The following GALNT17 variants were observed in gnomAD, a reference collection of about 807,000 sequenced individuals.
GALNT17 encodes the protein polypeptide N-acetylgalactosaminyltransferase 17.
A neutral mutation model predicts 63.7 loss-of-function variants in GALNT17; 29 were observed. The ratio of observed to expected loss-of-function variants is 0.46; its 90% CI spans 0.34 to 0.62. The LOEUF is 0.62. GALNT17 is among the 20% of genes least tolerant of loss of function. The pLI, the probability that GALNT17 is intolerant of heterozygous loss-of-function variation, is 0.01. For synonymous variants in GALNT17, 305 were observed against 318.3 expected, an observed-to-expected ratio of 0.96 and a Z score of 0.45; for missense variants, 603 against 799.6, an observed-to-expected ratio of 0.75 and a Z score of 2.97.
chr7:71,185,513 G>A lies in GALNT17; in HGVS notation c.238+52473G>A, dbSNP rs373541606. Among the ~76,000 whole-genome samples the A allele has an allele frequency of 3.0e-3, 421 of 142,494 alleles. 4 individuals carry two copies. Among genetic ancestry groups the A allele is most frequent in the African/African-American group, 0.011 (406 of 38,006 alleles). 93.5% of individuals were successfully genotyped at this position (142,494 alleles called of 152,430 possible). A position where few individuals can be genotyped will look rare whatever the true frequency, so the allele number is the denominator to read the frequency against. ...ATACCTGCCCCATTCTCTAATTTTC[G>A]TTTCTTTTCTTTTTTTTTTTTTTTT... On this transcript the variant is annotated intron_variant, in intron 1 of 10. Coordinates refer to ENST00000333538, the MANE Select transcript of GALNT17 (RefSeq NM_022479.3).
At chr7:71,289,789 G>A (rs1307798454) in intron 1 of GALNT17, among the ~76,000 whole-genome samples, 2 of 151,988 alleles carry the variant, frequency 1.3e-5, no homozygotes, top group African/African-American at 2.4e-5. Context: ...TGAGGCAGGA[G>A]TATTGCTTGA....
chr7:71,303,541 T>C (rs1791237977), intron 1 of GALNT17, among the ~76,000 whole-genome samples: 1 of 152,304 alleles, frequency 6.6e-6, no homozygotes, highest in African/African-American at 2.4e-5. Context: ...CACTTGAAGA[T>C]GAAAAATTCA....
chr7:71,671,205 A>G (rs966269418), intron 8 of GALNT17, among the ~76,000 whole-genome samples: 29 of 152,084 alleles, frequency 1.9e-4, no homozygotes, highest in African/African-American at 7.0e-4. Context: ...CATCCACCTC[A>G]TTCTCCCTTG....
chr7:71,454,730 G>A (rs1787324693), intron 5 of GALNT17, among the ~76,000 whole-genome samples: 1 of 152,172 alleles, frequency 6.6e-6, no homozygotes, highest in Non-Finnish European at 1.5e-5. Context: ...TTCATGAGTT[G>A]CATGTACAAA....
intron 6 of GALNT17, among the ~76,000 whole-genome samples, chr7:71,636,179 T>C (rs1424165391): frequency 1.3e-5 from 2 of 152,212 alleles, no homozygotes; most frequent in Admixed American, 1.3e-4. Flanking sequence ...TGGGTACATT[T>C]CAAGTTCTTT....
chr7:71,305,112 G>A (rs933782274), intron 1 of GALNT17, among the ~76,000 whole-genome samples: 6 of 152,198 alleles, frequency 3.9e-5, no homozygotes, highest in African/African-American at 1.4e-4. Context: ...TGTAGCTATA[G>A]ATACAATTAC....
chr7:71,379,728 A>G (rs144248464), intron 2 of GALNT17, among the ~76,000 whole-genome samples: 1 of 152,154 alleles, frequency 6.6e-6, no homozygotes, highest in African/African-American at 2.4e-5. Flanking sequence ...AGTTTTCAGC[A>G]TGCTGAATTT....
intron 1 of GALNT17, among the ~76,000 whole-genome samples, chr7:71,263,209 A>T (rs1790417401): frequency 6.6e-6 from 1 of 151,858 alleles, no homozygotes; most frequent in Non-Finnish European, 1.5e-5. Context: ...AATATAAAAA[A>T]TTAACTGGGT....
chr7:71,619,145 T>C (rs1790257283), intron 6 of GALNT17, among the ~76,000 whole-genome samples: 1 of 152,136 alleles, frequency 6.6e-6, no homozygotes. Flanking sequence ...TTTCCATGTT[T>C]TCTGTTCTGC....
intron 2 of GALNT17, among the ~76,000 whole-genome samples, chr7:71,379,234 A>C (rs1792799830): frequency 6.6e-6 from 1 of 152,156 alleles, no homozygotes; most frequent in Non-Finnish European, 1.5e-5. Context: ...GACTTGAGAG[A>C]CAGCATTCTC....
rs1457145856 is a variant in GALNT17 at position 71,665,468 on chromosome 7, G to A, written c.1138G>A (p.Glu380Lys). 1.2e-6 allele frequency: 2 copies of A among 1,613,362 alleles called. No individual in the cohort carries two copies. Among genetic ancestry groups the A allele is most frequent in the Non-Finnish European group, 1.7e-6 (2 of 1,179,966 alleles). The change falls in exon 7 of 11, where the codon GAG becomes AAG. Residue 380 changes from glutamate (E) to lysine (K), a missense_variant. Physicochemically the swap from Glu to Lys is moderately conservative, Grantham distance 56 (BLOSUM62 1). Coordinates refer to ENST00000333538, the MANE Select transcript of GALNT17 (RefSeq NM_022479.3). ...VLPCSRVAHI[E>K]RKKKPYNSNI... ...TCCTTGCTCACGGGTGGCCCACATT[G>A]AGCGGAAGAAGAAGCCATATAATAG...
rs528217347 is a variant in GALNT17, at chr7:71,430,300, C to T, written c.962+9195C>T. 4.8e-4 allele frequency among the ~76,000 whole-genome samples: 73 copies of T among 152,242 alleles called. 1 individual carries two copies. The South Asian group carries it at 6.8e-3, about 14-fold the overall frequency. ...ATACCATTTATTTAGCCTGAATGCA[C>T]CTAGGTTAGGTGCACCATAAGTTCA... On this transcript the variant is annotated intron_variant, in intron 5 of 10. Transcript: ENST00000333538.
chr7:71,180,741 C>G (rs916826650), intron 1 of GALNT17, among the ~76,000 whole-genome samples: 1 of 152,098 alleles, frequency 6.6e-6, no homozygotes, highest in Admixed American at 6.6e-5. Flanking sequence ...GTTCTCAGAG[C>G]TGGGGCAAAT....
chr7:71,369,811 CAAAAAAAAA>C (rs763387719), intron 2 of GALNT17, among the ~76,000 whole-genome samples: 3 of 72,136 alleles, frequency 4.2e-5, no homozygotes, highest in Non-Finnish European at 8.8e-5. Context: ...GGCTTTTTGT[CAAAAAAAAA>C]AAAAAAAAAA....
At chr7:71,254,250 C>T (rs1790250731) in intron 1 of GALNT17, among the ~76,000 whole-genome samples, 1 of 152,098 alleles carries the variant, frequency 6.6e-6, no homozygotes, top group South Asian at 2.1e-4. Flanking sequence ...TTGTGGAGGT[C>T]AAGGTTTTTA....
At chr7:71,710,951 C>T (rs753085600) in intron 10 of GALNT17, 23 bp downstream of exon 10, 1 of 1,610,556 alleles carries the variant, frequency 6.2e-7, no homozygotes, top group South Asian at 1.1e-5. Context: ...TGGACAGAGC[C>T]AGCACCCAGA....
chr7:71,225,579 C>T (rs969648469), intron 1 of GALNT17, among the ~76,000 whole-genome samples: 1 of 152,188 alleles, frequency 6.6e-6, no homozygotes, highest in African/African-American at 2.4e-5. Flanking sequence ...CAGAGAAGTT[C>T]CGTACTGTAT....
chr7:71,433,745 T>G (rs1377701199), intron 5 of GALNT17, among the ~76,000 whole-genome samples: 2 of 151,998 alleles, frequency 1.3e-5, no homozygotes, highest in East Asian at 1.9e-4. Flanking sequence ...GAGTCCTGAG[T>G]GGGAATTTAG....
At chr7:71,480,748 C>G (rs1462403951) in intron 5 of GALNT17, among the ~76,000 whole-genome samples, 1 of 152,190 alleles carries the variant, frequency 6.6e-6, no homozygotes, top group African/African-American at 2.4e-5. Flanking sequence ...CTCAAGTGAT[C>G]CACCCACCTG....
Sources: allele counts gnomAD v4.1 joint callset (sites outside exome capture counted in the v4.1 genomes callset), GRCh38; gene constraint gnomAD v4.1.1; transcripts MANE v1.5; gene names NCBI Gene and HGNC (gene_info 2026-07-23, HGNC 2026-07-21).